Variants in TMEM117 observed in about 807,000 individuals in gnomAD.
TMEM117 encodes the protein transmembrane protein 117.
A neutral mutation model predicts 52.4 loss-of-function variants in TMEM117; 27 were observed. That is an observed-to-expected ratio of 0.51 (90% CI 0.38 to 0.71). TMEM117 has a LOEUF of 0.71. TMEM117 is among the 30% of genes least tolerant of loss of function. The pLI, the probability that TMEM117 is intolerant of heterozygous loss-of-function variation, is 0.00. For synonymous variants in TMEM117, 215 were observed against 206.3 expected, an observed-to-expected ratio of 1.04 and a Z score of -0.36; for missense variants, 556 against 630.5, an observed-to-expected ratio of 0.88 and a Z score of 1.26.
At chr12:43,891,956 A>ATC (rs753665336) in intron 2 of TMEM117, among the ~76,000 whole-genome samples, 1 of 152,136 alleles carries the variant, frequency 6.6e-6, no homozygotes, top group Non-Finnish European at 1.5e-5. Flanking sequence ...CACTGTCAAT[A>ATC]TCTCTCTCTT....
chr12:44,201,762 G>T (rs535147645), intron 4 of TMEM117, among the ~76,000 whole-genome samples: 7 of 152,072 alleles, frequency 4.6e-5, no homozygotes, highest in Non-Finnish European at 8.8e-5. Flanking sequence ...TAAGCAATTT[G>T]GTTGTAGGCT....
At chr12:43,884,240 G>A (rs1943951073) in intron 2 of TMEM117, among the ~76,000 whole-genome samples, 1 of 151,546 alleles carries the variant, frequency 6.6e-6, no homozygotes. Context: ...TATTTTACTT[G>A]TATGAAAATA....
chr12:44,335,154 A>G (rs1951324278), intron 6 of TMEM117, among the ~76,000 whole-genome samples: 1 of 152,038 alleles, frequency 6.6e-6, no homozygotes, highest in African/African-American at 2.4e-5. Flanking sequence ...AGAGTCCATG[A>G]TGATTGTCAG....
intron 3 of TMEM117, among the ~76,000 whole-genome samples, chr12:44,023,413 A>G (rs1946484008): frequency 6.6e-6 from 1 of 152,078 alleles, no homozygotes; most frequent in Admixed American, 6.5e-5. Flanking sequence ...GACTTCCACA[A>G]TGGTTGAACT....
intron 2 of TMEM117, among the ~76,000 whole-genome samples, chr12:43,898,042 A>G (rs758677290): frequency 0.014 from 1,877 of 133,342 alleles, 17 homozygotes; most frequent in Non-Finnish European, 0.021. Flanking sequence ...ACACACACAC[A>G]CGCACGCACA....
intron 4 of TMEM117, among the ~76,000 whole-genome samples, chr12:44,182,668 G>T (rs924539659): frequency 1.3e-5 from 2 of 152,082 alleles, no homozygotes; most frequent in Non-Finnish European, 2.9e-5. Context: ...TTGTAGAATT[G>T]TTATGAAAGC....
At chr12:43,929,445 G>A (rs1456222301) in intron 2 of TMEM117, among the ~76,000 whole-genome samples, 2 of 151,940 alleles carry the variant, frequency 1.3e-5, no homozygotes, top group Non-Finnish European at 2.9e-5. Context: ...GAACCTTATA[G>A]CACTTAACTT....
chr12:44,212,713 C>T (rs1423613989), intron 5 of TMEM117, among the ~76,000 whole-genome samples: 1 of 151,874 alleles, frequency 6.6e-6, no homozygotes, highest in Non-Finnish European at 1.5e-5. Context: ...TTATAGCTGG[C>T]TCTGATGTAT....
the TMEM117 span, among the ~76,000 whole-genome samples, chr12:43,828,288 T>C: frequency 7.0e-4 from 107 of 152,350 alleles, no homozygotes; most frequent in African/African-American, 2.5e-3. Context: ...GAGCAGATAA[T>C]GTACTCTGTG....
At chr12:44,301,488 G>A (rs1226844436) in intron 6 of TMEM117, among the ~76,000 whole-genome samples, 2 of 152,140 alleles carry the variant, frequency 1.3e-5, no homozygotes, top group Admixed American at 1.3e-4. Context: ...AGTTTATGCT[G>A]AGGAATATTT....
In TMEM117 at chr12:44,088,634, A is replaced by T. The variant is rs558135462; in HGVS notation, c.411-54891A>T. ...TAATGTGGTCCTGGGTGACACCTGA[A>T]AGTTTAATTTCATTCAAGGTTAATC... is the stretch of plus-strand genomic sequence containing the variant. On this transcript the variant is annotated intron_variant, in intron 3 of 7. Transcript: ENST00000266534. 1.5e-4 allele frequency among the ~76,000 whole-genome samples: 23 copies of T among 152,270 alleles called. No individual in the cohort carries two copies. In the East Asian group the frequency reaches 4.4e-3, roughly 29 times the overall value.
chr12:43,824,538 A>G, the TMEM117 span, among the ~76,000 whole-genome samples: 1 of 152,100 alleles, frequency 6.6e-6, no homozygotes, highest in Non-Finnish European at 1.5e-5. Context: ...GTTTCATGTG[A>G]TTTTCCCAAA....
intron 3 of TMEM117, among the ~76,000 whole-genome samples, chr12:44,106,288 T>A (rs1947952929): frequency 6.6e-6 from 1 of 152,060 alleles, no homozygotes; most frequent in South Asian, 2.1e-4. Context: ...AAACCTTGTC[T>A]ATTATTTATA....
the TMEM117 span, among the ~76,000 whole-genome samples, chr12:43,802,116 G>T: frequency 6.6e-6 from 1 of 152,140 alleles, no homozygotes; most frequent in Non-Finnish European, 1.5e-5. Context: ...CAAAACTCCC[G>T]AATCTAAGCA....
chr12:44,394,965 C>A, the TMEM117 span, among the ~76,000 whole-genome samples: 2 of 152,208 alleles, frequency 1.3e-5, no homozygotes, highest in African/African-American at 4.8e-5. Flanking sequence ...GTTTTCCATT[C>A]ACCATATAGA....
intron 3 of TMEM117, among the ~76,000 whole-genome samples, chr12:44,063,090 C>T (rs1357644038): frequency 6.6e-6 from 1 of 152,172 alleles, no homozygotes; most frequent in Non-Finnish European, 1.5e-5. Flanking sequence ...ACAACACCCT[C>T]CCTCCTCCTG....
At chr12:44,392,246 T>C (rs1323679738), downstream of TMEM117, among the ~76,000 whole-genome samples, 2 of 152,152 alleles carry the variant, frequency 1.3e-5, no homozygotes, top group African/African-American at 4.8e-5. Context: ...AGGTGGATAT[T>C]TATAATGAAA....
At chr12:44,348,942 C>T (rs1455697179) in intron 6 of TMEM117, among the ~76,000 whole-genome samples, 1 of 151,910 alleles carries the variant, frequency 6.6e-6, no homozygotes, top group African/African-American at 2.4e-5. Context: ...GAGATGATTC[C>T]TTTATAGCTT....
At chr12:44,013,305 G>A (rs562451053) in intron 3 of TMEM117, among the ~76,000 whole-genome samples, 109 of 152,292 alleles carry the variant, frequency 7.2e-4, no homozygotes, top group African/African-American at 2.5e-3. Context: ...GGGATTACAG[G>A]TGTAAGTCAC....
Sources: allele counts gnomAD v4.1 joint callset (sites outside exome capture counted in the v4.1 genomes callset), GRCh38; gene constraint gnomAD v4.1.1; transcripts MANE v1.5; gene names NCBI Gene and HGNC (gene_info 2026-07-23, HGNC 2026-07-21).